GPHN: variants seen among roughly 807,000 people sequenced by gnomAD.
GPHN encodes the protein gephyrin.
In GPHN, 17 loss-of-function variants were observed where a neutral mutation model predicts 95.5. That is an observed-to-expected ratio of 0.18 (90% CI 0.12 to 0.27). The LOEUF (loss-of-function observed/expected upper bound fraction) is 0.27, where lower values mean the gene tolerates loss of function less well. Among genes scored for constraint, GPHN ranks in the 10% least tolerant of loss-of-function variants. The pLI, the probability that GPHN is intolerant of heterozygous loss-of-function variation, is 1.00. For missense variants in GPHN, 660 were observed against 978.1 expected, an observed-to-expected ratio of 0.67 and a Z score of 4.34; for synonymous variants, 320 against 322.5, an observed-to-expected ratio of 0.99 and a Z score of 0.08.
intron 11 of GPHN, among the ~76,000 whole-genome samples, chr14:67,086,882 C>T (rs2076917073): frequency 6.6e-6 from 1 of 150,578 alleles, no homozygotes; most frequent in South Asian, 2.1e-4. Context: ...ACTAAAAATA[C>T]AAAAAATTAG....
intron 3 of GPHN, among the ~76,000 whole-genome samples, chr14:66,783,141 T>C (rs1330729482): frequency 1.3e-5 from 2 of 152,186 alleles, no homozygotes; most frequent in African/African-American, 4.8e-5. Context: ...ATATTTGCCC[T>C]ACTACAGCTA....
Position 66,546,318 on chromosome 14 carries a change from C to T in GPHN, c.64+37727C>T, listed in dbSNP as rs577406524. Among the ~76,000 whole-genome samples, 13 of 151,534 alleles carry T rather than the reference C, an allele frequency of 8.6e-5. No homozygotes were observed. The East Asian group carries it at 2.6e-3, about 30-fold the overall frequency. ...AGCCAGGCAGAGGGGCTCCTCACGT[C>T]CCAGATGATGGGCGGCCAGGCAGAG... is the stretch of plus-strand genomic sequence containing the variant. On this transcript the variant is annotated intron_variant, in intron 1 of 22. Transcript: ENST00000478722.
chr14:67,070,290 TTGTG>T (rs550942899), intron 11 of GPHN, among the ~76,000 whole-genome samples: 4 of 148,528 alleles, frequency 2.7e-5, no homozygotes, highest in African/African-American at 1.0e-4. Context: ...ATATATATGT[TTGTG>T]TGTGTGTGTA....
At chr14:67,318,874 G>A in the GPHN span, among the ~76,000 whole-genome samples, 1 of 151,966 alleles carries the variant, frequency 6.6e-6, no homozygotes, top group African/African-American at 2.4e-5. Context: ...TGGCTAACAT[G>A]GTGAAACTCC....
At position 66,666,215 on chromosome 14, in the gene GPHN, C is replaced by T. The variant is rs78288116; in HGVS notation, c.65-14892C>T. Among the ~76,000 whole-genome samples the T allele has an allele frequency of 2.3e-3, 352 of 151,428 alleles. 2 individuals carry two copies. The East Asian group carries it at 0.031, about 13-fold the overall frequency. On this transcript the variant is annotated intron_variant, in intron 1 of 22. Coordinates refer to ENST00000478722, the MANE Select transcript of GPHN (RefSeq NM_020806.5). ...CGTATACATATGTAACAAACCTGCA[C>T]GTTGTGCACATGTACCCTAGAACTT...
chr14:66,884,690 A>T (rs1944137458), intron 5 of GPHN, among the ~76,000 whole-genome samples: 1 of 151,726 alleles, frequency 6.6e-6, no homozygotes. Context: ...TTTTATTCTC[A>T]GTTTTGTCAT....
At chr14:67,168,853 A>G (rs1307806168) in intron 20 of GPHN, 80 bp from the exon 21 acceptor site, 1 of 931,464 alleles carries the variant, frequency 1.1e-6, no homozygotes, top group Non-Finnish European at 1.8e-6. Flanking sequence ...ACATTCTGAT[A>G]CCCAAAGATA....
chr14:66,680,047 C>G (rs2066850447), intron 1 of GPHN, among the ~76,000 whole-genome samples: 1 of 152,180 alleles, frequency 6.6e-6, no homozygotes, highest in African/African-American at 2.4e-5. Context: ...AAGATAAGAT[C>G]AAGTGCTAAT....
the GPHN span, among the ~76,000 whole-genome samples, chr14:67,207,291 G>T: frequency 2.6e-5 from 4 of 152,062 alleles, no homozygotes; most frequent in African/African-American, 9.7e-5. Context: ...ACTTACAATC[G>T]TGTGGAAGAG....
At chr14:66,665,576 C>T (rs572023682) in intron 1 of GPHN, among the ~76,000 whole-genome samples, 19 of 152,090 alleles carry the variant, frequency 1.2e-4, no homozygotes, top group Non-Finnish European at 2.2e-4. Context: ...GTTAGAATGG[C>T]GATCATTAAA....
At position 66,879,968 on chromosome 14, in the gene GPHN, A is replaced by C. The variant is rs34844857; in HGVS notation, c.324A>C (p.Ala108=). 3 of 1,610,462 alleles carry C rather than the reference A, an allele frequency of 1.9e-6. No homozygotes were observed. Among genetic ancestry groups the C allele is most frequent in the Non-Finnish European group, 1.7e-6 (2 of 1,177,046 alleles). Residue 108 remains alanine (A), a synonymous_variant, in exon 5 of 23, where the codon GCA becomes GCC. Transcript: ENST00000478722. ...CAAAAGAAGTAATAGAACGGGAAGC[A>C]CCAGGGATGGCCCTGGCAATGCTGA... is the stretch of plus-strand genomic sequence containing the variant. The part of the protein sequence containing the change: ...EATKEVIERE[A]PGMALAMLMG...
intron 5 of GPHN, among the ~76,000 whole-genome samples, chr14:66,885,408 C>T (rs1369148112): frequency 6.6e-6 from 1 of 152,116 alleles, no homozygotes; most frequent in African/African-American, 2.4e-5. Context: ...ACCTAGTGTG[C>T]TACTAGCCAA....
the GPHN span, among the ~76,000 whole-genome samples, chr14:67,340,845 C>T: frequency 1.3e-4 from 20 of 152,320 alleles, no homozygotes; most frequent in Non-Finnish European, 2.1e-4. Context: ...GACTGGTTTT[C>T]GTATTTTTTT....
At chr14:66,738,532 G>A (rs897283140) in intron 2 of GPHN, among the ~76,000 whole-genome samples, 3 of 151,890 alleles carry the variant, frequency 2.0e-5, no homozygotes, top group African/African-American at 4.8e-5. Flanking sequence ...TTTTTATGGC[G>A]TGTGTCTTGC....
At chr14:66,621,463 C>T (rs1290072310) in intron 1 of GPHN, among the ~76,000 whole-genome samples, 5 of 148,966 alleles carry the variant, frequency 3.4e-5, no homozygotes, top group South Asian at 2.1e-4. Flanking sequence ...CTCCCTCTGT[C>T]GCCCAGGCTA....
chr14:67,321,250 T>C, the GPHN span: 1 of 1,614,150 alleles, frequency 6.2e-7, no homozygotes, highest in Non-Finnish European at 8.5e-7. Context: ...TTTTAAGTCT[T>C]CGTACACAGG....
intron 10 of GPHN, among the ~76,000 whole-genome samples, chr14:67,049,337 C>G (rs1171583263): frequency 6.7e-6 from 1 of 149,676 alleles, no homozygotes; most frequent in Non-Finnish European, 1.5e-5. Context: ...ACGCCTTTCT[C>G]CTGCCTCAGC....
chr14:66,649,657 C>T (rs936769731), intron 1 of GPHN, among the ~76,000 whole-genome samples: 10 of 152,126 alleles, frequency 6.6e-5, no homozygotes, highest in East Asian at 1.9e-4. Context: ...ATGATGCTAG[C>T]GCTGGGGAAC....
intron 10 of GPHN, among the ~76,000 whole-genome samples, chr14:67,044,586 G>A (rs796734478): frequency 6.6e-6 from 1 of 152,134 alleles, no homozygotes; most frequent in Non-Finnish European, 1.5e-5. Context: ...GCCGGTTGAT[G>A]TAAACTATAC....
Sources: gnomAD v4.1 joint callset for allele counts (sites outside exome capture counted in the v4.1 genomes callset) on GRCh38, gnomAD v4.1.1 for gene constraint, MANE v1.5 for transcripts, NCBI Gene and HGNC (gene_info 2026-07-23, HGNC 2026-07-21) for gene names.